BRIP1: variants seen among roughly 807,000 people sequenced by gnomAD.
The protein encoded by BRIP1 is Fanconi anemia group J protein.
In BRIP1, 88 loss-of-function variants were observed where a neutral mutation model predicts 119.7. That is an observed-to-expected ratio of 0.74 (90% CI 0.62 to 0.88). BRIP1 has a LOEUF of 0.88. Ranked by LOEUF, BRIP1 falls within the 40% of genes least tolerant of loss-of-function variation. The pLI, the probability that BRIP1 is intolerant of heterozygous loss-of-function variation, is 0.00. For synonymous variants in BRIP1, 443 were observed against 496.5 expected, an observed-to-expected ratio of 0.89 and a Z score of 1.43; for missense variants, 1,259 against 1,455.4, an observed-to-expected ratio of 0.87 and a Z score of 2.20.
chr17:61,757,947 T>C lies in BRIP1; in HGVS notation c.2098-13356A>G, dbSNP rs1012972741. Among the ~76,000 whole-genome samples the C allele has an allele frequency of 6.6e-6, 1 of 151,810 alleles. No individual in the cohort carries two copies. The highest frequency in any genetic ancestry group is 6.6e-5 in the Admixed American group (1 of 15,218). The stretch of plus-strand genomic sequence containing the variant: ...GGTAAAGACTACAGTGAGCCAGTGA[T>C]TGTACCACCACATTCTAGCCTGGGC... On this transcript the variant is annotated intron_variant, in intron 14 of 19. Coordinates refer to ENST00000259008, the MANE Select transcript of BRIP1 (RefSeq NM_032043.3). This position sits in a 1 kb window ranked among gnomAD's most constrained non-coding sequence, Gnocchi z 4.3.
chr17:61,788,291 C>A (rs1484455124), intron 10 of BRIP1, among the ~76,000 whole-genome samples: 2 of 151,886 alleles, frequency 1.3e-5, no homozygotes, highest in Non-Finnish European at 2.9e-5. Flanking sequence ...GCCATCTAAT[C>A]TTTTAAAAAT....
In BRIP1 at chr17:61,784,364, C is replaced by T. The variant is rs1603336980; in HGVS notation, c.1534G>A (p.Glu512Lys). ...CTAATAACAGGTACTTCTCTTGCCT[C>T]CTCTTTACCATAAATTGGTGAGATT... is the stretch of plus-strand genomic sequence containing the variant. ...EKISPIYGKE[E>K]AREVPVISAS... Residue 512 changes from glutamate to lysine, a missense_variant, in exon 11 of 20, where the codon GAG becomes AAG. Around this residue, in one of 3 missense-constraint regions of BRIP1, gnomAD observed 753 missense variants for 891.8 expected, o/e 0.84. Coordinates refer to ENST00000259008, the MANE Select transcript of BRIP1 (RefSeq NM_032043.3). 1.2e-6 allele frequency: 2 copies of T among 1,613,362 alleles called. No homozygotes were observed. Among genetic ancestry groups the T allele is most frequent in the South Asian group, 2.2e-5 (2 of 91,052 alleles).
rs2077210514 is a variant in BRIP1 at position 61,757,102 on chromosome 17, T to G, written c.2098-12511A>C. 6.6e-6 allele frequency among the ~76,000 whole-genome samples: 1 copy of G among 152,236 alleles called. No individual in the cohort carries two copies. Among genetic ancestry groups the G allele is most frequent in the Admixed American group, 6.5e-5 (1 of 15,290 alleles). On this transcript the variant is annotated intron_variant, in intron 14 of 19. Transcript: ENST00000259008. This position sits in a 1 kb window ranked among gnomAD's most constrained non-coding sequence, Gnocchi z 4.3. ...TATTCAGTTGATATGTACCCATATG[T>G]GGCATATGTTAGAAATAAAAAAGAG... is the stretch of plus-strand genomic sequence containing the variant.
rs1306375153 is a variant in BRIP1 at position 61,860,535 on chromosome 17, C to T, written c.94-628G>A. On this transcript the variant is annotated intron_variant, in intron 2 of 19. Coordinates refer to ENST00000259008, the MANE Select transcript of BRIP1 (RefSeq NM_032043.3). This position sits in a 1 kb window ranked among gnomAD's most constrained non-coding sequence, Gnocchi z 4.1. ...ATTAGCTGGGCGTGGTGGCGCATCC[C>T]TGTAATCCCAGCTACTGGGGAGGCT... Among the ~76,000 whole-genome samples, 7 of 152,280 alleles carry T rather than the reference C, an allele frequency of 4.6e-5. No homozygotes were observed. The East Asian group carries it at 1.2e-3, about 25-fold the overall frequency.
At position 61,778,901 on chromosome 17, in the gene BRIP1, G is replaced by C. The variant is rs2077573795; in HGVS notation, c.1935+1360C>G. ...CAAAAATGTTCCCACCTATAAACCT[G>C]TGTATATAGCTTAATAAAGAGCTAG... On this transcript the variant is annotated intron_variant, in intron 13 of 19. Transcript: ENST00000259008. This position sits in a 1 kb window ranked among gnomAD's most constrained non-coding sequence, Gnocchi z 4.4. 2.0e-5 allele frequency among the ~76,000 whole-genome samples: 3 copies of C among 152,076 alleles called. No homozygotes were observed.
chr17:61,818,791 T>C (rs1291968416), intron 6 of BRIP1, among the ~76,000 whole-genome samples: 1 of 152,152 alleles, frequency 6.6e-6, no homozygotes, highest in Non-Finnish European at 1.5e-5. Context: ...TCAAAAGATA[T>C]ACAAATGGCA....
At chr17:61,727,590 G>C (rs2076782774) in intron 16 of BRIP1, among the ~76,000 whole-genome samples, 1 of 151,832 alleles carries the variant, frequency 6.6e-6, no homozygotes, top group South Asian at 2.1e-4. Flanking sequence ...AACATAGCAA[G>C]ACCCTGTCTC....
chr17:61,829,466 G>A (rs775269095), intron 6 of BRIP1, among the ~76,000 whole-genome samples: 34 of 150,966 alleles, frequency 2.3e-4, no homozygotes, highest in Non-Finnish European at 3.7e-4. Flanking sequence ...ACAATTATAG[G>A]ACCCTTACAG....
rs992165383 is a variant in BRIP1 at position 61,847,323 on chromosome 17, CAA to C, written c.508-105_508-104del. ...GCTCTATGTATTTTTTTCCTGCATC[CAA>C]AAAAAGACTATTTCTAACAGGCAAT... is the stretch of plus-strand genomic sequence containing the variant. On this transcript the variant is annotated intron_variant, in intron 5 of 19. Transcript: ENST00000259008. The C allele has an allele frequency of 5.6e-6, 7 of 1,245,838 alleles. No homozygotes were observed. The African/African-American group carries it at 6.0e-5, about 11-fold the overall frequency. 77.2% of individuals were successfully genotyped at this position (1,245,838 alleles called of 1,614,324 possible).
At chr17:61,707,667 A>G (rs1260359392) in intron 17 of BRIP1, among the ~76,000 whole-genome samples, 1 of 151,982 alleles carries the variant, frequency 6.6e-6, no homozygotes, top group Non-Finnish European at 1.5e-5. Flanking sequence ...ATTTCTAAGC[A>G]CTTTTTCTTA....
rs1978111 is a variant in BRIP1 at position 61,683,138 on chromosome 17, A to T, written c.*158T>A. 1 of 929,296 alleles carries T rather than the reference A, an allele frequency of 1.1e-6. No individual in the cohort carries two copies. The highest frequency in any genetic ancestry group is 1.7e-5 in the African/African-American group (1 of 59,462). 57.6% of individuals were successfully genotyped at this position (929,296 alleles called of 1,614,324 possible). On this transcript the variant is annotated 3_prime_UTR_variant, in exon 20 of 20. Coordinates refer to ENST00000259008, the MANE Select transcript of BRIP1 (RefSeq NM_032043.3). The surrounding 1 kb of genome is among the most constrained non-coding windows in gnomAD (Gnocchi z 4.7). Reference sequence around the variant, plus strand: ...AGACCAAGACTCTGTCTCAAAAAAAAAAACCCAAAAACTCAAGAATAATAA... The same window carrying T: ...AGACCAAGACTCTGTCTCAAAAAAATAAACCCAAAAACTCAAGAATAATAA...
chr17:61,683,168 T>C lies in BRIP1; in HGVS notation c.*128A>G, dbSNP rs150444311. 3.4e-3 allele frequency: 3,909 copies of C among 1,164,444 alleles called. 13 individuals carry two copies. Among genetic ancestry groups the C allele is most frequent in the Admixed American group, 5.7e-3 (237 of 41,464 alleles). 72.1% of individuals were successfully genotyped at this position (1,164,444 alleles called of 1,614,324 possible). On this transcript the variant is annotated 3_prime_UTR_variant, in exon 20 of 20. Coordinates refer to ENST00000259008, the MANE Select transcript of BRIP1 (RefSeq NM_032043.3). The surrounding 1 kb of genome is among the most constrained non-coding windows in gnomAD (Gnocchi z 4.7). ...CCAAAAACTCAAGAATAATAACATTTACATTTCTGAACATAAAATAGTTTT... is the reference window on the plus strand; with the variant it reads ...CCAAAAACTCAAGAATAATAACATTCACATTTCTGAACATAAAATAGTTTT...
intron 16 of BRIP1, among the ~76,000 whole-genome samples, chr17:61,732,346 CT>C (rs2076859806): frequency 6.6e-6 from 1 of 152,104 alleles, no homozygotes; most frequent in Admixed American, 6.6e-5. Flanking sequence ...GGCCATTCCA[CT>C]TTATGAAATG....
Position 61,703,109 on chromosome 17 carries a change from G to A in BRIP1, c.2493-9597C>T, listed in dbSNP as rs1268298597. Among the ~76,000 whole-genome samples the A allele has an allele frequency of 6.6e-6, 1 of 151,854 alleles. No homozygotes were observed. The highest frequency in any genetic ancestry group is 2.4e-5 in the African/African-American group (1 of 41,324). On this transcript the variant is annotated intron_variant, in intron 17 of 19. Transcript: ENST00000259008. The surrounding 1 kb of genome is among the most constrained non-coding windows in gnomAD (Gnocchi z 5.0). Reference sequence around the variant, plus strand: ...AGACAGAGTCTCACTCTATTGCCCAGGCTGAAGTGCAGTGGCACAATCCCA... The same window carrying A: ...AGACAGAGTCTCACTCTATTGCCCAAGCTGAAGTGCAGTGGCACAATCCCA...
Position 61,706,326 on chromosome 17 carries a change from C to T in BRIP1, c.2492+9625G>A, listed in dbSNP as rs992059577. On this transcript the variant is annotated intron_variant, in intron 17 of 19. Coordinates refer to ENST00000259008, the MANE Select transcript of BRIP1 (RefSeq NM_032043.3). The surrounding 1 kb of genome is among the most constrained non-coding windows in gnomAD (Gnocchi z 5.7). Reference sequence around the variant, plus strand: ...CAAACAGCTACTCCACATATTCTGTCTAGGTTTTTTAGACTACTAAATATG... The same window carrying T: ...CAAACAGCTACTCCACATATTCTGTTTAGGTTTTTTAGACTACTAAATATG... 3.3e-5 allele frequency among the ~76,000 whole-genome samples: 5 copies of T among 152,158 alleles called. No homozygotes were observed. The highest frequency in any genetic ancestry group is 5.9e-5 in the Non-Finnish European group (4 of 68,002).
chr17:61,779,564 G>A (rs955970566), intron 13 of BRIP1, among the ~76,000 whole-genome samples: 24 of 152,180 alleles, frequency 1.6e-4, no homozygotes, highest in Middle Eastern at 3.2e-3. Flanking sequence ...AGGCTGCAGT[G>A]AGCCAAGATC....
chr17:61,828,579 G>T lies in BRIP1; in HGVS notation c.627+18522C>A, dbSNP rs906326456. Among the ~76,000 whole-genome samples, 1 of 151,680 alleles carries T rather than the reference G, an allele frequency of 6.6e-6. No homozygotes were observed. The highest frequency in any genetic ancestry group is 2.4e-5 in the African/African-American group (1 of 41,284). ...ATATTTTACCATTAAAAACATGAAGGTAAGAAAAAAAGCTGAAAAAATATT... is the reference window on the plus strand; with the variant it reads ...ATATTTTACCATTAAAAACATGAAGTTAAGAAAAAAAGCTGAAAAAATATT... On this transcript the variant is annotated intron_variant, in intron 6 of 19. Coordinates refer to ENST00000259008, the MANE Select transcript of BRIP1 (RefSeq NM_032043.3). This position sits in a 1 kb window ranked among gnomAD's most constrained non-coding sequence, Gnocchi z 4.1.
At chr17:61,711,824 C>T (rs2061779657) in intron 17 of BRIP1, among the ~76,000 whole-genome samples, 1 of 151,488 alleles carries the variant, frequency 6.6e-6, no homozygotes, top group Non-Finnish European at 1.5e-5. Context: ...ACTGAGATCG[C>T]ACCACTGCTC....
chr17:61,834,269 T>G lies in BRIP1; in HGVS notation c.627+12832A>C, dbSNP rs1458335076. Reference sequence around the variant, plus strand: ...GTATATATGTAATATATGTGTAATATATGTCATATATACTACATAACAAAT... The same window carrying G: ...GTATATATGTAATATATGTGTAATAGATGTCATATATACTACATAACAAAT... On this transcript the variant is annotated intron_variant, in intron 6 of 19. Transcript: ENST00000259008. The surrounding 1 kb of genome is among the most constrained non-coding windows in gnomAD (Gnocchi z 4.4). Among the ~76,000 whole-genome samples the G allele has an allele frequency of 6.6e-6, 1 of 152,120 alleles. No homozygotes were observed. Among genetic ancestry groups the G allele is most frequent in the African/African-American group, 2.4e-5 (1 of 41,434 alleles).
Sources: allele counts gnomAD v4.1 joint callset (sites outside exome capture counted in the v4.1 genomes callset), GRCh38; gene constraint gnomAD v4.1.1; regional missense constraint gnomAD v4.1.1; non-coding constraint Gnocchi (gnomAD v3.1); transcripts MANE v1.5; gene names NCBI Gene and HGNC (gene_info 2026-07-23, HGNC 2026-07-21).